The following ATP2A1 variants were observed in gnomAD, a reference collection of about 807,000 sequenced individuals.
ATP2A1 encodes the protein ATPase sarcoplasmic/endoplasmic reticulum Ca2+ transporting 1.
Under a neutral mutation model 109.5 loss-of-function variants are expected in ATP2A1, and 83 were observed. That is an observed-to-expected ratio of 0.76 (90% CI 0.63 to 0.91). ATP2A1 has a LOEUF of 0.91. Ranked by LOEUF, ATP2A1 falls within the 40% of genes least tolerant of loss-of-function variation. The pLI is 0.00. For synonymous variants in ATP2A1, 505 were observed against 537.6 expected, an observed-to-expected ratio of 0.94 and a Z score of 0.84; for missense variants, 1,101 against 1,341.0, an observed-to-expected ratio of 0.82 and a Z score of 2.80.
At chr16:28,900,506 A>ACCCC in intron 14 of ATP2A1, 75 bp from the exon 15 acceptor site, 1 of 810,286 alleles carries the variant, frequency 1.2e-6, no homozygotes, top group Non-Finnish European at 1.6e-6. Flanking sequence ...CCCCATCCCC[A>ACCCC]CCCCCCACCA....
intron 4 of ATP2A1, chr16:28,881,537 G>GA: frequency 4.6e-6 from 1 of 216,174 alleles, no homozygotes. Context: ...ACTGAGGATA[G>GA]AAATAGCCAC....
chr16:28,885,435 C>T (rs993805142), intron 6 of ATP2A1, among the ~76,000 whole-genome samples: 1 of 151,906 alleles, frequency 6.6e-6, no homozygotes, highest in Non-Finnish European at 1.5e-5. Flanking sequence ...ACCTCTGCCT[C>T]CTGGCTTCAA....
In ATP2A1 at chr16:28,900,596, G is replaced by C. The variant is rs142091964; in HGVS notation, c.1780G>C (p.Val594Leu). ...FLEYETDLTFVGVVGMLDPPR... is the reference protein window; with the variant it reads ...FLEYETDLTFLGVVGMLDPPR... ...ATCTCCCCAGACGGACCTGACATTC[G>C]TGGGTGTAGTGGGCATGCTGGACCC... The change falls in exon 15 of 23, where the codon GTG (valine) becomes CTG (leucine). Residue 594 changes from valine to leucine, a missense_variant. Val to Leu is a conservative substitution (Grantham distance 32). Transcript: ENST00000395503. 2 of 1,567,794 alleles carry C rather than the reference G, an allele frequency of 1.3e-6. No individual in the cohort carries two copies. Among genetic ancestry groups the C allele is most frequent in the African/African-American group, 1.3e-5 (1 of 74,210 alleles).
chr16:28,897,218 A>C (rs947907434), intron 12 of ATP2A1, among the ~76,000 whole-genome samples: 27 of 152,208 alleles, frequency 1.8e-4, no homozygotes, highest in African/African-American at 6.5e-4. Flanking sequence ...TTATAGGGCC[A>C]GGTGTGGTGG....
chr16:28,889,962 T>A (rs1963724846), intron 9 of ATP2A1, among the ~76,000 whole-genome samples: 1 of 151,942 alleles, frequency 6.6e-6, no homozygotes, highest in African/African-American at 2.4e-5. Flanking sequence ...GCCAACATGG[T>A]GAAACCCCAT....
chr16:28,898,152 C>G lies in ATP2A1; in HGVS notation c.1545+27C>G, dbSNP rs766012745. On this transcript the variant is annotated intron_variant, in intron 13 of 22. Coordinates refer to ENST00000395503, the MANE Select transcript of ATP2A1 (RefSeq NM_004320.6). This position sits in a 1 kb window ranked among gnomAD's most constrained non-coding sequence, Gnocchi z 4.0. Reference sequence around the variant, plus strand: ...TCAGAAATCGGAATGTGCCTCAGCCCCCTCTTCTTCCTACTCCTAGCCACC... The same window carrying G: ...TCAGAAATCGGAATGTGCCTCAGCCGCCTCTTCTTCCTACTCCTAGCCACC... The G allele has an allele frequency of 5.0e-6, 8 of 1,614,060 alleles. No homozygotes were observed. Among genetic ancestry groups the G allele is most frequent in the Non-Finnish European group, 5.9e-6 (7 of 1,180,052 alleles).
At chr16:28,879,613 C>G (rs1963394675) in intron 3 of ATP2A1, 30 bp downstream of exon 3, 1 of 1,608,508 alleles carries the variant, frequency 6.2e-7, no homozygotes, top group Admixed American at 1.7e-5. Context: ...TGGGGGCTGG[C>G]TGGGGGTGTG....
At chr16:28,887,774 C>T (rs755863885) in intron 8 of ATP2A1, 52 bp downstream of exon 8, 1 of 1,584,380 alleles carries the variant, frequency 6.3e-7, no homozygotes, top group African/African-American at 1.4e-5. Context: ...TCTGCAAAGA[C>T]CCCTTTTCTT....
At chr16:28,879,334 G>C (rs1963380929) in intron 2 of ATP2A1, 167 bp from the exon 3 acceptor site, 8 of 850,396 alleles carry the variant, frequency 9.4e-6, no homozygotes, top group Non-Finnish European at 1.5e-5. Context: ...ACTTTGCCGA[G>C]TCTGTTTCTG....
At chr16:28,879,318 C>G in intron 2 of ATP2A1, 183 bp from the exon 3 acceptor site, 1 of 836,754 alleles carries the variant, frequency 1.2e-6, no homozygotes, top group Admixed American at 2.1e-5. Context: ...CCTTGAACTG[C>G]CCCCCACTTT....
chr16:28,881,057 C>A (rs751169843), intron 4 of ATP2A1, 38 bp downstream of exon 4: 1 of 1,593,288 alleles, frequency 6.3e-7, no homozygotes, highest in Non-Finnish European at 8.6e-7. Context: ...CATGTCCCAA[C>A]AGTGAAGAAG....
intron 6 of ATP2A1, 65 bp downstream of exon 6, chr16:28,884,720 G>T (rs1026829825): frequency 6.2e-6 from 9 of 1,443,626 alleles, no homozygotes; most frequent in Middle Eastern, 1.7e-4. Flanking sequence ...CAACAAGGGG[G>T]AGGTGAGTGG....
Position 28,898,591 on chromosome 16 carries a change from C to T in ATP2A1, c.1764+140C>T, listed in dbSNP as rs1963982821. 1.9e-6 allele frequency: 2 copies of T among 1,032,654 alleles called. No individual in the cohort carries two copies. The highest frequency in any genetic ancestry group is 2.6e-5 in the East Asian group (1 of 38,432). The allele number at this position is 1,032,654 out of a possible 1,614,324, so 64.0% of individuals were successfully genotyped here. A position where few individuals can be genotyped will look rare whatever the true frequency, so the allele number is the denominator to read the frequency against. On this transcript the variant is annotated intron_variant, in intron 14 of 22. Transcript: ENST00000395503. This position sits in a 1 kb window ranked among gnomAD's most constrained non-coding sequence, Gnocchi z 4.0. ...CTCCTTAGTACAGGCCATGGAATCA[C>T]AGGACAGTAGAGTTTCAGAGAACCT...
At position 28,894,973 on chromosome 16, in the gene ATP2A1, G is replaced by A. The variant is rs577700988; in HGVS notation, c.1419+20G>A. The stretch of plus-strand genomic sequence containing the variant: ...AACTCGGTGAGCCTGCGGAGCCCCT[G>A]CCACAGGGCCGTCTCCACTCTATGC... On this transcript the variant is annotated intron_variant, in intron 12 of 22. Transcript: ENST00000395503. 1.5e-5 allele frequency: 24 copies of A among 1,609,516 alleles called. No individual in the cohort carries two copies. Among genetic ancestry groups the A allele is most frequent in the Non-Finnish European group, 1.9e-5 (23 of 1,179,970 alleles).
At chr16:28,900,484 C>T (rs1964040382) in intron 14 of ATP2A1, 97 bp from the exon 15 acceptor site, 1 of 576,864 alleles carries the variant, frequency 1.7e-6, no homozygotes, top group African/African-American at 1.9e-5. Context: ...CCCACCACTT[C>T]CTGACCTTTC....
At position 28,898,449 on chromosome 16, in the gene ATP2A1, G is replaced by A; in HGVS notation, c.1762G>A (p.Glu588Lys). The A allele has an allele frequency of 6.2e-7, 1 of 1,611,234 alleles. No homozygotes were observed. The highest frequency in any genetic ancestry group is 8.5e-7 in the Non-Finnish European group (1 of 1,179,728). Reference sequence around the variant, plus strand: ...TGACTCTGCCAGGTTCCTGGAGTATGAGGTAAGCAGCTGGGAGCCTCCCAC... The same window carrying A: ...TGACTCTGCCAGGTTCCTGGAGTATAAGGTAAGCAGCTGGGAGCCTCCCAC... ...LDDSARFLEY[E>K]TDLTFVGVVG... is the part of the protein sequence containing the mutation. Residue 588 changes from glutamate (E) to lysine (K), a missense_variant and splice_region_variant, in exon 14 of 23, where the codon GAG becomes AAG. Glu to Lys is a moderately conservative substitution (Grantham distance 56). Coordinates refer to ENST00000395503, the MANE Select transcript of ATP2A1 (RefSeq NM_004320.6). The surrounding 1 kb of genome is among the most constrained non-coding windows in gnomAD (Gnocchi z 4.0).
intron 14 of ATP2A1, among the ~76,000 whole-genome samples, chr16:28,899,271 T>C (rs1256659424): frequency 6.6e-6 from 1 of 152,230 alleles, no homozygotes; most frequent in East Asian, 1.9e-4. Flanking sequence ...GGATTTCTTC[T>C]AAGTTGTGGG....
rs1963689296 is a variant in ATP2A1 at position 28,888,825 on chromosome 16, A to T, written c.967A>T (p.Thr323Ser). 6.2e-7 allele frequency: 1 copy of T among 1,611,766 alleles called. No individual in the cohort carries two copies. Among genetic ancestry groups the T allele is most frequent in the African/African-American group, 1.3e-5 (1 of 74,862 alleles). The change falls in exon 9 of 23, where the codon ACC (threonine) becomes TCC (serine). Residue 323 changes from threonine to serine, a missense_variant. Thr to Ser is a moderately conservative substitution (Grantham distance 58, BLOSUM62 1). Transcript: ENST00000395503. ...CATCACCACCTGCCTGGCCCTGGGT[A>T]CCCGTCGGATGGCAAAGAAGAATGC... ...AVITTCLALG[T>S]RRMAKKNAIV...
chr16:28,901,384 A>AACTT (rs1964068656), intron 15 of ATP2A1, among the ~76,000 whole-genome samples: 1 of 150,734 alleles, frequency 6.6e-6, no homozygotes, highest in African/African-American at 2.4e-5. Context: ...GTAATCCCAG[A>AACTT]ACTTAAGGAG....
Sources: gnomAD v4.1 joint callset for allele counts (sites outside exome capture counted in the v4.1 genomes callset) on GRCh38, gnomAD v4.1.1 for gene constraint, Gnocchi (gnomAD v3.1) non-coding constraint, MANE v1.5 for transcripts, NCBI Gene and HGNC (gene_info 2026-07-23, HGNC 2026-07-21) for gene names.